MRE11: variants seen among roughly 807,000 people sequenced by gnomAD.
The protein encoded by MRE11 is double-strand break repair protein MRE11.
MRE11 carries 62 observed loss-of-function variants against 91.7 expected under a neutral mutation model. The ratio of observed to expected loss-of-function variants is 0.68; its 90% confidence interval spans 0.55 to 0.84. MRE11 has a LOEUF of 0.84. Ranked by LOEUF, MRE11 falls within the 40% of genes least tolerant of loss-of-function variation. The pLI is 0.00. For missense variants in MRE11, 796 were observed against 852.9 expected (o/e 0.93, Z 0.83); for synonymous variants, 273 against 271.4 (o/e 1.01, Z -0.06).
chr11:94,497,962 C>A (rs532112811), upstream of MRE11: 3 of 797,040 alleles, frequency 3.8e-6, no homozygotes, highest in South Asian at 3.9e-5. Context: ...CATCTACTAA[C>A]AAGTAAGTTT....
chr11:94,481,612 T>A (rs904303720), intron 4 of MRE11, among the ~76,000 whole-genome samples: 5 of 152,358 alleles, frequency 3.3e-5, no homozygotes, highest in Non-Finnish European at 7.3e-5. Flanking sequence ...ATTTTTAAAA[T>A]ATGTGTAACA....
At chr11:94,433,553 A>C (rs1945521042) in intron 18 of MRE11, among the ~76,000 whole-genome samples, 1 of 152,172 alleles carries the variant, frequency 6.6e-6, no homozygotes, top group Non-Finnish European at 1.5e-5. Context: ...GTAACTCCTA[A>C]GTATTCTGGG....
intron 11 of MRE11, among the ~76,000 whole-genome samples, 177 bp downstream of exon 11, chr11:94,463,936 T>C (rs1946489281): frequency 6.6e-6 from 1 of 152,142 alleles, no homozygotes; most frequent in East Asian, 1.9e-4. Flanking sequence ...ATAATAATAA[T>C]AAAAAAGATT....
rs560107101 is a variant in MRE11 at position 94,416,626 on chromosome 11, A to T, written c.*3499T>A. 18 of 151,050 alleles carry T rather than the reference A, an allele frequency of 1.2e-4. No individual in the cohort carries two copies. The highest frequency in any genetic ancestry group is 4.1e-4 in the African/African-American group (17 of 41,140). The allele number at this position is 151,050 out of a possible 1,614,324, so 9.4% of individuals were successfully genotyped here. On this transcript the variant is annotated 3_prime_UTR_variant, in exon 20 of 20. Transcript: ENST00000323929. ...TTTGGGAGGCTGAGGTGGGTGGATC[A>T]CAAGGTCAGGAGATCGAGACCATCC...
At chr11:94,474,896 C>G (rs551754745) in intron 7 of MRE11, among the ~76,000 whole-genome samples, 2 of 152,198 alleles carry the variant, frequency 1.3e-5, no homozygotes, top group South Asian at 4.1e-4. Flanking sequence ...AAATGGTAGA[C>G]CTGGGAAGCT....
chr11:94,489,264 T>C (rs955640006), intron 3 of MRE11, among the ~76,000 whole-genome samples: 3 of 148,950 alleles, frequency 2.0e-5, no homozygotes, highest in African/African-American at 7.4e-5. Flanking sequence ...AAGATCAATG[T>C]GCTCCAAGCA....
chr11:94,470,731 A>G, intron 8 of MRE11, 89 bp from the exon 9 acceptor site: 1 of 1,319,470 alleles, frequency 7.6e-7, no homozygotes, highest in Non-Finnish European at 1.1e-6. Flanking sequence ...CTTAGTTTCT[A>G]AAAATGCTTC....
the MRE11 span, among the ~76,000 whole-genome samples, chr11:94,500,685 G>A: frequency 1.3e-5 from 2 of 152,166 alleles, no homozygotes; most frequent in African/African-American, 4.8e-5. Flanking sequence ...TAGGCCTAAA[G>A]TGGAACTAGT....
At chr11:94,465,816 G>C (rs957058160) in intron 10 of MRE11, among the ~76,000 whole-genome samples, 6 of 152,152 alleles carry the variant, frequency 3.9e-5, no homozygotes, top group African/African-American at 1.4e-4. Context: ...AATTTTATTG[G>C]ATGTCCTCAA....
intron 3 of MRE11, 94 bp from the exon 4 acceptor site, chr11:94,486,178 GAC>G: frequency 8.0e-7 from 1 of 1,243,554 alleles, no homozygotes. Context: ...ACTCACAAAA[GAC>G]ACTATTATAT....
chr11:94,490,576 C>T (rs1283834013), intron 3 of MRE11, among the ~76,000 whole-genome samples: 5 of 152,184 alleles, frequency 3.3e-5, no homozygotes, highest in African/African-American at 1.2e-4. Context: ...TTCGAATAGA[C>T]ACTGCCACAG....
intron 16 of MRE11, among the ~76,000 whole-genome samples, chr11:94,444,796 C>T (rs1056535213): frequency 1.1e-4 from 17 of 151,626 alleles, no homozygotes; most frequent in Admixed American, 2.0e-4. Flanking sequence ...ACAATTAATC[C>T]TAGCTATAAG....
chr11:94,425,559 T>A (rs1945290965), intron 19 of MRE11, among the ~76,000 whole-genome samples: 1 of 152,278 alleles, frequency 6.6e-6, no homozygotes, highest in South Asian at 2.1e-4. Flanking sequence ...CAGTGGCAAG[T>A]TGGATAAAAG....
At chr11:94,443,403 T>C (rs1435260052) in intron 16 of MRE11, among the ~76,000 whole-genome samples, 1 of 152,146 alleles carries the variant, frequency 6.6e-6, no homozygotes, top group Non-Finnish European at 1.5e-5. Flanking sequence ...AAAACAGAAA[T>C]AATATAGTAA....
intron 17 of MRE11, 48 bp downstream of exon 17, chr11:94,437,129 C>A: frequency 6.7e-7 from 1 of 1,482,348 alleles, no homozygotes; most frequent in Non-Finnish European, 9.4e-7. Context: ...ATTCATAATG[C>A]AGAAAACATA....
chr11:94,436,656 GAAGTAAT>G (rs1945625054), intron 17 of MRE11, among the ~76,000 whole-genome samples: 1 of 152,210 alleles, frequency 6.6e-6, no homozygotes, highest in African/African-American at 2.4e-5. Context: ...TTTTGAAAGT[GAAGTAAT>G]AAGAGAATCA....
chr11:94,438,686 G>A (rs1305559973), intron 16 of MRE11, among the ~76,000 whole-genome samples: 1 of 152,220 alleles, frequency 6.6e-6, no homozygotes, highest in East Asian at 1.9e-4. Context: ...TAAGCAATAT[G>A]TTCTGTTAGG....
intron 4 of MRE11, among the ~76,000 whole-genome samples, chr11:94,483,418 C>T (rs1054463988): frequency 2.0e-5 from 3 of 152,086 alleles, no homozygotes; most frequent in East Asian, 3.9e-4. Context: ...GGAGGGGCCT[C>T]GTGGGAGATA....
chr11:94,423,467 T>A (rs113829978), intron 19 of MRE11, among the ~76,000 whole-genome samples: 161 of 152,282 alleles, frequency 1.1e-3, no homozygotes, highest in African/African-American at 3.7e-3. Flanking sequence ...AAGGTGGCCA[T>A]AGGCGCCCAT....
Sources: gnomAD v4.1 joint callset for allele counts (sites outside exome capture counted in the v4.1 genomes callset) on GRCh38, gnomAD v4.1.1 for gene constraint, MANE v1.5 for transcripts, NCBI Gene and HGNC (gene_info 2026-07-23, HGNC 2026-07-21) for gene names.